The following RICTOR variants were observed in gnomAD, a reference collection of about 807,000 sequenced individuals.
RICTOR encodes the protein rapamycin-insensitive companion of mTOR.
In RICTOR, 49 loss-of-function variants were observed where a neutral mutation model predicts 214.9. The ratio of observed to expected loss-of-function variants is 0.23; its 90% CI spans 0.18 to 0.29. The LOEUF (loss-of-function observed/expected upper bound fraction) is 0.29. RICTOR is among the 10% of genes least tolerant of loss of function. RICTOR has a pLI of 1.00. For synonymous variants in RICTOR, 717 were observed against 711.3 expected, an observed-to-expected ratio of 1.01 and a Z score of -0.13; for missense variants, 1,625 against 2,047.0, an observed-to-expected ratio of 0.79 and a Z score of 3.98.
chr5:38,999,475 AG>A (rs1753449782), intron 5 of RICTOR, among the ~76,000 whole-genome samples: 2 of 152,126 alleles, frequency 1.3e-5, no homozygotes, highest in African/African-American at 4.8e-5. Flanking sequence ...GGCAAAATAG[AG>A]GGATTTACAG....
At chr5:38,996,432 C>G (rs1176383385) in intron 6 of RICTOR, among the ~76,000 whole-genome samples, 1 of 152,152 alleles carries the variant, frequency 6.6e-6, no homozygotes, top group Non-Finnish European at 1.5e-5. Context: ...CAATGAACTT[C>G]TTAGTATTTG....
chr5:39,052,244 T>G (rs759442528), intron 2 of RICTOR, among the ~76,000 whole-genome samples: 1 of 152,094 alleles, frequency 6.6e-6, no homozygotes, highest in Non-Finnish European at 1.5e-5. Context: ...GGCGTGGTGG[T>G]ATGCGTGTAT....
chr5:38,947,412 A>G lies in RICTOR; in HGVS notation c.4166T>C (p.Leu1389Ser). Residue 1389 changes from leucine to serine, a missense_variant, in exon 32 of 38, where the codon TTA becomes TCA. Leu to Ser is a moderately radical substitution (Grantham distance 145). Around this residue, in one of 5 missense-constraint regions of RICTOR, gnomAD observed 1,214 missense variants for 1,470.5 expected, o/e 0.83. Coordinates refer to ENST00000357387, the MANE Select transcript of RICTOR (RefSeq NM_152756.5). ...AGGACTCAATAAATCTTCTTTATCT[A>G]ATGATGCATAACTTAAGGCTTTCAT... ...RFMKALSYAS[L>S]DKEDLLSPIN... The G allele has an allele frequency of 6.2e-7, 1 of 1,611,162 alleles. No individual in the cohort carries two copies. The highest frequency in any genetic ancestry group is 8.5e-7 in the Non-Finnish European group (1 of 1,177,522).
At chr5:39,020,654 GACTTTATTGCGAC>G (rs1397081131) in intron 3 of RICTOR, among the ~76,000 whole-genome samples, 6 of 152,062 alleles carry the variant, frequency 3.9e-5, no homozygotes, top group African/African-American at 1.4e-4. Context: ...TTACAACATT[GACTTTATTGCGAC>G]ACTTTATTGC....
At chr5:38,952,682 A>C (rs1005179799) in intron 29 of RICTOR, among the ~76,000 whole-genome samples, 2 of 152,014 alleles carry the variant, frequency 1.3e-5, no homozygotes, top group African/African-American at 4.8e-5. Flanking sequence ...CAAAAAAGGT[A>C]TATTAGCTTT....
At chr5:38,978,103 C>A (rs1362240970) in intron 9 of RICTOR, among the ~76,000 whole-genome samples, 1 of 152,078 alleles carries the variant, frequency 6.6e-6, no homozygotes, top group African/African-American at 2.4e-5. Context: ...ACCTAGTGAA[C>A]ATGTGCCTTT....
At chr5:39,013,125 C>T (rs552034679) in intron 3 of RICTOR, among the ~76,000 whole-genome samples, 7 of 152,208 alleles carry the variant, frequency 4.6e-5, no homozygotes, top group African/African-American at 1.4e-4. Flanking sequence ...TAATTATGTA[C>T]ACAAAAAATT....
intron 1 of RICTOR, 82 bp from the exon 2 acceptor site, chr5:39,074,240 G>C: frequency 6.3e-7 from 1 of 1,578,536 alleles, no homozygotes; most frequent in South Asian, 1.1e-5. Flanking sequence ...CAGCGCCCCG[G>C]CTCGCTCCCC....
chr5:38,954,376 C>T (rs1204380946), intron 27 of RICTOR, among the ~76,000 whole-genome samples: 1 of 151,812 alleles, frequency 6.6e-6, no homozygotes, highest in African/African-American at 2.4e-5. Flanking sequence ...ATTTATTGCT[C>T]AACAAGGATA....
intron 9 of RICTOR, among the ~76,000 whole-genome samples, chr5:38,977,409 T>A (rs545970562): frequency 6.6e-6 from 1 of 152,098 alleles, no homozygotes; most frequent in Non-Finnish European, 1.5e-5. Flanking sequence ...TAAGAGAATG[T>A]CTATATTTCA....
chr5:38,953,001 C>T lies in RICTOR; in HGVS notation c.2881G>A (p.Val961Ile). ...DILKLAKQCE[V>I]LSIRGTCVYV... ...ATGACCTACCCTCTGATGGAAAGAA[C>T]TTCACACTGTTTTGCAAGTTTTAGT... is the stretch of plus-strand genomic sequence containing the variant. The change falls in exon 29 of 38, where the codon GTT (valine) becomes ATT (isoleucine). Residue 961 changes from valine (V) to isoleucine (I), a missense_variant. Coordinates refer to ENST00000357387, the MANE Select transcript of RICTOR (RefSeq NM_152756.5). The T allele has an allele frequency of 6.2e-7, 1 of 1,604,422 alleles. No individual in the cohort carries two copies. Among genetic ancestry groups the T allele is most frequent in the Non-Finnish European group, 8.5e-7 (1 of 1,172,422 alleles).
chr5:39,045,973 T>C (rs912384007), intron 2 of RICTOR, among the ~76,000 whole-genome samples: 27 of 151,822 alleles, frequency 1.8e-4, no homozygotes, highest in Admixed American at 8.5e-4. Context: ...TTTTTATCAT[T>C]AGTTATTCAC....
At chr5:38,944,607 G>A (rs764277115) in intron 35 of RICTOR, 38 bp from the exon 36 acceptor site, 1 of 1,517,098 alleles carries the variant, frequency 6.6e-7, no homozygotes, top group South Asian at 1.2e-5. Flanking sequence ...TATTATCTAT[G>A]TCACAATAAA....
chr5:39,056,566 G>A (rs1435018411), intron 2 of RICTOR, among the ~76,000 whole-genome samples: 2 of 152,050 alleles, frequency 1.3e-5, no homozygotes, highest in Non-Finnish European at 2.9e-5. Flanking sequence ...GAGTCCAGGA[G>A]GTCGAGGCTG....
Position 39,004,048 on chromosome 5 carries a change from C to T in RICTOR, c.196-426G>A, listed in dbSNP as rs537933116. Among the ~76,000 whole-genome samples the T allele has an allele frequency of 1.5e-3, 226 of 152,182 alleles. 1 individual carries two copies. Among genetic ancestry groups the T allele is most frequent in the Non-Finnish European group, 6.6e-4 (45 of 67,974 alleles). On this transcript the variant is annotated intron_variant, in intron 3 of 37. Transcript: ENST00000357387. The stretch of plus-strand genomic sequence containing the variant: ...ACATTTCACTTTACAATTGTTTTTT[C>T]TATCTTTTAAAAACTATACCGTATT...
In RICTOR at chr5:39,055,999, T is replaced by C. The variant is rs539372644; in HGVS notation, c.97+18112A>G. On this transcript the variant is annotated intron_variant, in intron 2 of 37. Transcript: ENST00000357387. ...GTTAAGATGTCTCCTGGGTGTCTTA[T>C]TTGGCCCAATTAAAGTACTTCTCTT... 1.4e-3 allele frequency among the ~76,000 whole-genome samples: 215 copies of C among 152,334 alleles called. 2 individuals are homozygous for C. Among genetic ancestry groups the C allele is most frequent in the South Asian group, 9.5e-3 (46 of 4,828 alleles).
At chr5:39,006,191 C>G (rs1471102341) in intron 3 of RICTOR, among the ~76,000 whole-genome samples, 1 of 152,294 alleles carries the variant, frequency 6.6e-6, no homozygotes, top group African/African-American at 2.4e-5. Context: ...CTTATTTGTA[C>G]AAGATTCTCT....
chr5:39,000,317 CA>C (rs1256564887), intron 5 of RICTOR, among the ~76,000 whole-genome samples: 3 of 151,674 alleles, frequency 2.0e-5, no homozygotes, highest in Non-Finnish European at 4.4e-5. Context: ...TTTTATAAAA[CA>C]AACATACATA....
intron 7 of RICTOR, among the ~76,000 whole-genome samples, chr5:38,989,320 A>T (rs533880913): frequency 6.6e-6 from 1 of 152,362 alleles, no homozygotes; most frequent in South Asian, 2.1e-4. Flanking sequence ...CGTATGCAGA[A>T]AACTGAAACT....
Sources: gnomAD v4.1 joint callset for allele counts (sites outside exome capture counted in the v4.1 genomes callset) on GRCh38, gnomAD v4.1.1 for gene constraint, gnomAD v4.1.1 regional missense constraint, MANE v1.5 for transcripts, NCBI Gene and HGNC (gene_info 2026-07-23, HGNC 2026-07-21) for gene names.